The following AHI1 variants were observed in gnomAD, a reference collection of about 807,000 sequenced individuals.
AHI1 encodes the protein Abelson helper integration site 1.
Under a neutral mutation model 149.3 loss-of-function variants are expected in AHI1, and 123 were observed. That is an observed-to-expected ratio of 0.82 (90% confidence interval 0.71 to 0.96). The LOEUF is 0.96. AHI1 is among the 40% of genes least tolerant of loss of function. The pLI, the probability that AHI1 is intolerant of heterozygous loss-of-function variation, is 0.00. For missense variants in AHI1, 1,439 were observed against 1,422.7 expected (o/e 1.01, Z -0.18); for synonymous variants, 475 against 459.8 (o/e 1.03, Z -0.42).
At chr6:135,319,663 A>G (rs1786511706) in intron 25 of AHI1, among the ~76,000 whole-genome samples, 1 of 152,246 alleles carries the variant, frequency 6.6e-6, no homozygotes, top group South Asian at 2.1e-4. Flanking sequence ...TAAAGGGTTA[A>G]AACAAAAATA....
intron 15 of AHI1, among the ~76,000 whole-genome samples, chr6:135,437,616 G>T (rs757653005): frequency 1.3e-4 from 20 of 152,204 alleles, no homozygotes; most frequent in Non-Finnish European, 2.5e-4. Flanking sequence ...GAAGTGTTAA[G>T]AGAGTAGAAG....
intron 23 of AHI1, among the ~76,000 whole-genome samples, chr6:135,363,851 C>T (rs545408324): frequency 1.5e-4 from 22 of 146,258 alleles, no homozygotes; most frequent in African/African-American, 4.1e-4. Flanking sequence ...CGGGCAGAGG[C>T]GCCCCTCACC....
intron 27 of AHI1, 69 bp from the exon 28 acceptor site, chr6:135,290,594 T>C: frequency 6.5e-7 from 1 of 1,545,496 alleles, no homozygotes; most frequent in South Asian, 1.1e-5. Flanking sequence ...CAGATGAGGC[T>C]TTGATCTAGG....
chr6:135,425,425 T>C (rs998553173), intron 20 of AHI1, among the ~76,000 whole-genome samples: 3 of 151,880 alleles, frequency 2.0e-5, no homozygotes, highest in Admixed American at 6.6e-5. Context: ...CTGCTTTCCA[T>C]ATAGAGATGC....
chr6:135,341,214 G>T (rs1790320952), intron 24 of AHI1, among the ~76,000 whole-genome samples: 1 of 151,914 alleles, frequency 6.6e-6, no homozygotes, highest in Admixed American at 6.5e-5. Flanking sequence ...CTATGTACAA[G>T]AACACTTCAG....
chr6:135,394,951 C>G, intron 22 of AHI1, 55 bp from the exon 23 acceptor site: 1 of 1,535,554 alleles, frequency 6.5e-7, no homozygotes, highest in East Asian at 2.4e-5. Context: ...ATTACTAATG[C>G]AAAAACTGGA....
Position 135,411,553 on chromosome 6 carries a change from A to G in AHI1, c.2765-9T>C, listed in dbSNP as rs374852342. ...AGCCTCCTGCTGGGCAACTGAAGAA[A>G]TGAATCCATAATTAGTTAAATCATC... On this transcript the variant is annotated splice_polypyrimidine_tract_variant and intron_variant, in intron 20 of 28. Coordinates refer to ENST00000265602, the MANE Select transcript of AHI1 (RefSeq NM_001134831.2). 1.7e-5 allele frequency: 26 copies of G among 1,552,466 alleles called. No homozygotes were observed. Among genetic ancestry groups the G allele is most frequent in the Non-Finnish European group, 2.1e-5 (24 of 1,149,674 alleles).
chr6:135,414,948 T>A (rs1782133301), intron 20 of AHI1, among the ~76,000 whole-genome samples: 1 of 145,430 alleles, frequency 6.9e-6, no homozygotes, highest in Admixed American at 6.8e-5. Flanking sequence ...ATATCCCTAA[T>A]GCTATCCCTC....
chr6:135,376,601 A>C (rs1775949155), intron 23 of AHI1, among the ~76,000 whole-genome samples: 1 of 152,030 alleles, frequency 6.6e-6, no homozygotes, highest in African/African-American at 2.4e-5. Flanking sequence ...AGTGGGTCGA[A>C]GGCCGGGCGC....
chr6:135,328,457 G>C (rs1200558906), intron 24 of AHI1, among the ~76,000 whole-genome samples: 6 of 151,972 alleles, frequency 3.9e-5, no homozygotes, highest in Admixed American at 3.9e-4. Flanking sequence ...GGTGATCTTT[G>C]ATGCTACCAA....
chr6:135,295,131 A>G (rs915684267), intron 27 of AHI1, among the ~76,000 whole-genome samples: 5 of 152,236 alleles, frequency 3.3e-5, no homozygotes, highest in Non-Finnish European at 1.5e-5. Context: ...AAATTTCACC[A>G]AAGAAGATGT....
chr6:135,335,742 T>A (rs1425981120), intron 24 of AHI1, among the ~76,000 whole-genome samples: 1 of 152,206 alleles, frequency 6.6e-6, no homozygotes, highest in African/African-American at 2.4e-5. Context: ...CAGACAATAT[T>A]TTTAAATGAG....
chr6:135,309,546 G>C (rs1453429271), intron 26 of AHI1, among the ~76,000 whole-genome samples: 2 of 150,124 alleles, frequency 1.3e-5, no homozygotes, highest in African/African-American at 4.9e-5. Flanking sequence ...GCAATGGCGT[G>C]ATCTCAGCTC....
intron 20 of AHI1, among the ~76,000 whole-genome samples, chr6:135,415,459 A>G (rs1173680596): frequency 2.0e-5 from 3 of 152,150 alleles, no homozygotes; most frequent in Admixed American, 2.0e-4. Context: ...ATTTCTCCAC[A>G]TCCTCTCCAG....
intron 5 of AHI1, among the ~76,000 whole-genome samples, chr6:135,486,311 C>G (rs1029250808): frequency 6.6e-6 from 1 of 152,102 alleles, no homozygotes; most frequent in Non-Finnish European, 1.5e-5. Flanking sequence ...TTTAAATTTT[C>G]CTAGAACCCC....
Position 135,323,190 on chromosome 6 carries a change from A to G in AHI1, c.3300T>C (p.Tyr1100=), listed in dbSNP as rs748682985. ...CACTAGCCACATGATTAGCTGGAAAATAACCTTCCTGTCCCTTTCCTATGC... is the reference window on the plus strand; with the variant it reads ...CACTAGCCACATGATTAGCTGGAAAGTAACCTTCCTGTCCCTTTCCTATGC... ...YGSIGKGQEG[Y]FPANHVASET... is the part of the protein sequence containing the mutation. Residue 1100 remains tyrosine, a synonymous_variant, in exon 25 of 29, where the codon TAT becomes TAC. Transcript: ENST00000265602. 1.2e-6 allele frequency: 2 copies of G among 1,612,254 alleles called. No individual in the cohort carries two copies. The highest frequency in any genetic ancestry group is 2.2e-5 in the South Asian group (2 of 90,902).
At chr6:135,439,275 A>T (rs1353776628) in intron 14 of AHI1, among the ~76,000 whole-genome samples, 1 of 152,246 alleles carries the variant, frequency 6.6e-6, no homozygotes, top group Non-Finnish European at 1.5e-5. Context: ...TTTAAAATGC[A>T]CATCATTCTG....
chr6:135,467,966 A>T (rs894704726), intron 5 of AHI1, among the ~76,000 whole-genome samples: 1 of 152,218 alleles, frequency 6.6e-6, no homozygotes, highest in African/African-American at 2.4e-5. Context: ...AAATAAAGAA[A>T]TGTGCCAGAA....
chr6:135,429,493 T>C lies in AHI1; in HGVS notation c.2492+389A>G, dbSNP rs185229344. 3.3e-3 allele frequency among the ~76,000 whole-genome samples: 500 copies of C among 151,900 alleles called. 1 individual carries two copies. The highest frequency in any genetic ancestry group is 4.1e-3 in the Non-Finnish European group (279 of 67,712). ...TCAAAAGCCCTCTCCTGTAGTTATATCATATTATACTAATGCTGTAACAGT... is the reference window on the plus strand; with the variant it reads ...TCAAAAGCCCTCTCCTGTAGTTATACCATATTATACTAATGCTGTAACAGT... On this transcript the variant is annotated intron_variant, in intron 18 of 28. Coordinates refer to ENST00000265602, the MANE Select transcript of AHI1 (RefSeq NM_001134831.2).
Sources: allele counts gnomAD v4.1 joint callset (sites outside exome capture counted in the v4.1 genomes callset), GRCh38; gene constraint gnomAD v4.1.1; transcripts MANE v1.5; gene names NCBI Gene and HGNC (gene_info 2026-07-23, HGNC 2026-07-21).